NKD2: variants seen among roughly 807,000 people sequenced by gnomAD.
The protein encoded by NKD2 is protein naked cuticle homolog 2.
In NKD2, 43 loss-of-function variants were observed where a neutral mutation model predicts 34.8. The ratio of observed to expected loss-of-function variants is 1.24; its 90% CI spans 0.97 to 1.60. NKD2 has a LOEUF of 1.60. Ranked by LOEUF, NKD2 falls within the 40% of genes most tolerant of loss-of-function variation. The pLI, the probability that NKD2 is intolerant of heterozygous loss-of-function variation, is 0.00. For missense variants in NKD2, 675 were observed against 627.1 expected, an observed-to-expected ratio of 1.08 and a Z score of -0.82; for synonymous variants, 278 against 265.1, an observed-to-expected ratio of 1.05 and a Z score of -0.47.
intron 8 of NKD2, 143 bp downstream of exon 8, chr5:1,035,616 G>A: frequency 1.5e-6 from 1 of 656,996 alleles, no homozygotes; most frequent in Non-Finnish European, 2.7e-6. Context: ...CAGCAGCTCT[G>A]TGGGGCATGG....
chr5:1,028,159 A>T (rs1756499955), intron 3 of NKD2, among the ~76,000 whole-genome samples: 1 of 151,902 alleles, frequency 6.6e-6, no homozygotes, highest in Admixed American at 6.6e-5. Flanking sequence ...TGCTGGGAGG[A>T]CGAAGCGCTC....
In NKD2 at chr5:1,036,280, C is replaced by T. The variant is rs370711889; in HGVS notation, c.683C>T (p.Pro228Leu). The T allele has an allele frequency of 4.6e-5, 74 of 1,610,854 alleles. No homozygotes were observed. Among genetic ancestry groups the T allele is most frequent in the Non-Finnish European group, 5.9e-5 (69 of 1,178,846 alleles). Reference protein sequence around the residue: ...HVRRPSTDPQPCSERGPYCVD... With the variant: ...HVRRPSTDPQLCSERGPYCVD... ...AGGAGGCCCAGTACTGACCCCCAGC[C>T]CTGCTCGGAGCGGGGGCCCTACTGC... Residue 228 changes from proline (P) to leucine (L), a missense_variant, in exon 9 of 10, where the codon CCC becomes CTC. Coordinates refer to ENST00000296849, the MANE Select transcript of NKD2 (RefSeq NM_033120.4).
chr5:1,030,972 G>T (rs1756622863), intron 3 of NKD2, among the ~76,000 whole-genome samples: 1 of 152,136 alleles, frequency 6.6e-6, no homozygotes, highest in Non-Finnish European at 1.5e-5. Flanking sequence ...CCATGTGTGG[G>T]TGGGGGTCTG....
In NKD2 at chr5:1,038,472, G is replaced by GCCCCCCCC. The variant is rs1734137659; in HGVS notation, c.*104_*105insCCCCCCCC. The GCCCCCCCC allele has an allele frequency of 6.5e-7, 1 of 1,531,500 alleles. No individual in the cohort carries two copies. The highest frequency in any genetic ancestry group is 1.4e-5 in the African/African-American group (1 of 71,658). The allele number at this position is 1,531,500 out of a possible 1,614,324, so 94.9% of individuals were successfully genotyped here. On this transcript the variant is annotated 3_prime_UTR_variant, in exon 10 of 10. Coordinates refer to ENST00000296849, the MANE Select transcript of NKD2 (RefSeq NM_033120.4). The surrounding 1 kb of genome is among the most constrained non-coding windows in gnomAD (Gnocchi z 4.5). ...CGGCTGTGTGCCCATGGGGAGCCCA[G>GCCCCCCCC]CCCCCACCCCCCACCTCCGACAGCA...
In NKD2 at chr5:1,038,537, T is replaced by A; in HGVS notation, c.*164T>A. 1 of 1,432,354 alleles carries A rather than the reference T, an allele frequency of 7.0e-7. No homozygotes were observed. The highest frequency in any genetic ancestry group is 9.5e-7 in the Non-Finnish European group (1 of 1,055,306). The allele number at this position is 1,432,354 out of a possible 1,614,324, so 88.7% of individuals were successfully genotyped here. A position where few individuals can be genotyped will look rare whatever the true frequency, so the allele number is the denominator to read the frequency against. On this transcript the variant is annotated 3_prime_UTR_variant, in exon 10 of 10. Coordinates refer to ENST00000296849, the MANE Select transcript of NKD2 (RefSeq NM_033120.4). This position sits in a 1 kb window ranked among gnomAD's most constrained non-coding sequence, Gnocchi z 4.5. ...GCAGGTGCTGGCATGATGGAGGTGGTGCACCTTGGACACGTGGACAAGGCC... is the reference window on the plus strand; with the variant it reads ...GCAGGTGCTGGCATGATGGAGGTGGAGCACCTTGGACACGTGGACAAGGCC...
In NKD2 at chr5:1,038,480, C is replaced by A; in HGVS notation, c.*107C>A. 1 of 1,530,680 alleles carries A rather than the reference C, an allele frequency of 6.5e-7. No individual in the cohort carries two copies. Among genetic ancestry groups the A allele is most frequent in the South Asian group, 1.2e-5 (1 of 83,898 alleles). 94.8% of individuals were successfully genotyped at this position (1,530,680 alleles called of 1,614,324 possible). On this transcript the variant is annotated 3_prime_UTR_variant, in exon 10 of 10. Coordinates refer to ENST00000296849, the MANE Select transcript of NKD2 (RefSeq NM_033120.4). This position sits in a 1 kb window ranked among gnomAD's most constrained non-coding sequence, Gnocchi z 4.5. ...TGCCCATGGGGAGCCCAGCCCCCACCCCCCACCTCCGACAGCAAACAGCAA... is the reference window on the plus strand; with the variant it reads ...TGCCCATGGGGAGCCCAGCCCCCACACCCCACCTCCGACAGCAAACAGCAA...
rs139374291 is a variant in NKD2 at position 1,032,203 on chromosome 5, C to T, written c.193C>T (p.Pro65Ser). Residue 65 changes from proline (P) to serine (S), a missense_variant, in exon 4 of 10, where the codon CCC (proline) becomes TCC (serine). Pro to Ser is a moderately conservative substitution (Grantham distance 74). Transcript: ENST00000296849. ...KEGPFREDQC[P>S]LQVALPAEKA... ...GGGGCCTTTCCGGGAGGACCAGTGT[C>T]CCCTACAGGGTGAGTGCAGCTCCCG... 4.8e-4 allele frequency: 771 copies of T among 1,609,610 alleles called. 1 individual carries two copies. The highest frequency in any genetic ancestry group is 5.9e-4 in the Non-Finnish European group (691 of 1,178,222).
Position 1,009,182 on chromosome 5 carries a change from C to T in NKD2, c.29C>T (p.Ala10Val). The change falls in exon 2 of 10, where the codon GCC (alanine) becomes GTC (valine). Residue 10 changes from alanine (A) to valine (V), a missense_variant. Physicochemically the swap from Ala to Val is moderately conservative, Grantham distance 64. Coordinates refer to ENST00000296849, the MANE Select transcript of NKD2 (RefSeq NM_033120.4). This position sits in a 1 kb window ranked among gnomAD's most constrained non-coding sequence, Gnocchi z 6.9. Reference sequence around the variant, plus strand: ...CCCGCGTCCCGCCGTGCCGCAGCCGCCGCCGCCCGCAAGCGGAGAGAGAGC... The same window carrying T: ...CCCGCGTCCCGCCGTGCCGCAGCCGTCGCCGCCCGCAAGCGGAGAGAGAGC... MGKLQSKHA[A>V]AARKRRESPE... is the part of the protein sequence containing the mutation. The T allele has an allele frequency of 1.8e-6, 1 of 564,950 alleles. No individual in the cohort carries two copies. The highest frequency in any genetic ancestry group is 3.5e-5 in the East Asian group (1 of 28,562). 35.0% of individuals were successfully genotyped at this position (564,950 alleles called of 1,614,324 possible).
In NKD2 at chr5:1,026,563, CTCT is replaced by C. The variant is rs1756415942; in HGVS notation, c.142-5588_142-5586del. Among the ~76,000 whole-genome samples the C allele has an allele frequency of 4.0e-4, 26 of 64,746 alleles. 1 individual carries two copies. Among genetic ancestry groups the C allele is most frequent in the East Asian group, 1.1e-3 (2 of 1,830 alleles). 42.5% of individuals were successfully genotyped at this position (64,746 alleles called of 152,430 possible). A position where few individuals can be genotyped will look rare whatever the true frequency, so the allele number is the denominator to read the frequency against. On this transcript the variant is annotated intron_variant, in intron 3 of 9. Transcript: ENST00000296849. ...GCCCATTGTCCCTGCTCTTCCCACC[CTCT>C]GTGGGTGTCCCAGCCCATTGTCCCT...
Position 1,038,451 on chromosome 5 carries a change from T to C in NKD2, c.*78T>C, listed in dbSNP as rs1342223546. The C allele has an allele frequency of 2.0e-6, 3 of 1,535,134 alleles. No homozygotes were observed. Among genetic ancestry groups the C allele is most frequent in the Non-Finnish European group, 2.6e-6 (3 of 1,146,670 alleles). On this transcript the variant is annotated 3_prime_UTR_variant, in exon 10 of 10. Coordinates refer to ENST00000296849, the MANE Select transcript of NKD2 (RefSeq NM_033120.4). This position sits in a 1 kb window ranked among gnomAD's most constrained non-coding sequence, Gnocchi z 4.5. ...GGCAGGGAGCAGAGCAGCTGCCGGC[T>C]GTGTGCCCATGGGGAGCCCAGCCCC...
intron 7 of NKD2, 77 bp from the exon 8 acceptor site, chr5:1,035,308 GAGTT>G (rs1266207753): frequency 9.3e-7 from 1 of 1,078,836 alleles, no homozygotes; most frequent in African/African-American, 1.6e-5. Flanking sequence ...ATGAGTGAGT[GAGTT>G]AATGAATGAG....
In NKD2 at chr5:1,038,375, G is replaced by A. The variant is rs143147967; in HGVS notation, c.*2G>A. The A allele has an allele frequency of 5.1e-3, 7,906 of 1,535,600 alleles. 36 individuals carry two copies. Among genetic ancestry groups the A allele is most frequent in the Middle Eastern group, 0.012 (71 of 5,708 alleles). ...CACCACCACTTCCACCCGTCCTAGC[G>A]CCACTGCCAAGCACACCTCGCTCCC... On this transcript the variant is annotated 3_prime_UTR_variant, in exon 10 of 10. Coordinates refer to ENST00000296849, the MANE Select transcript of NKD2 (RefSeq NM_033120.4). The surrounding 1 kb of genome is among the most constrained non-coding windows in gnomAD (Gnocchi z 4.5).
intron 4 of NKD2, among the ~76,000 whole-genome samples, 156 bp downstream of exon 4, chr5:1,032,368 C>T (rs918680717): frequency 2.6e-5 from 4 of 152,250 alleles, no homozygotes; most frequent in African/African-American, 9.6e-5. Flanking sequence ...CTTGGCAGCA[C>T]AACTCACAGG....
At chr5:1,010,640 A>AT (rs1755717178) in intron 3 of NKD2, among the ~76,000 whole-genome samples, 1 of 152,176 alleles carries the variant, frequency 6.6e-6, no homozygotes, top group Admixed American at 6.5e-5. Context: ...GTGAGCCTCT[A>AT]TCCGGGACAG....
intron 3 of NKD2, among the ~76,000 whole-genome samples, chr5:1,028,221 G>A (rs552769420): frequency 2.0e-5 from 3 of 152,264 alleles, no homozygotes; most frequent in African/African-American, 4.8e-5. Flanking sequence ...TGGCGGGGAC[G>A]TGGACGGTGG....
At position 1,033,417 on chromosome 5, in the gene NKD2, A is replaced by G; in HGVS notation, c.248A>G (p.Gln83Arg). Residue 83 changes from glutamine (Q) to arginine (R), a missense_variant, in exon 5 of 10, where the codon CAA becomes CGA. Physicochemically the swap from Gln to Arg is conservative, Grantham distance 43. Transcript: ENST00000296849. Reference sequence around the variant, plus strand: ...GCTGAGGGCCGCGAGCACCCGGGACAACTCCTCAGCGCAGATGACGGAGAG... The same window carrying G: ...GCTGAGGGCCGCGAGCACCCGGGACGACTCCTCAGCGCAGATGACGGAGAG... ...EKAEGREHPGQLLSADDGERA... is the reference protein window; with the variant it reads ...EKAEGREHPGRLLSADDGERA... The G allele has an allele frequency of 1.3e-6, 2 of 1,595,014 alleles. No individual in the cohort carries two copies. Among genetic ancestry groups the G allele is most frequent in the South Asian group, 1.1e-5 (1 of 87,916 alleles).
intron 9 of NKD2, chr5:1,036,869 C>T (rs116564248): frequency 0.017 from 7,502 of 449,964 alleles, 124 homozygotes; most frequent in Non-Finnish European, 0.023. Context: ...GTGTGGATGG[C>T]AGGCAGGCAG....
intron 7 of NKD2, among the ~76,000 whole-genome samples, chr5:1,035,114 T>A (rs554059533): frequency 6.6e-6 from 1 of 152,154 alleles, no homozygotes; most frequent in Admixed American, 6.5e-5. Flanking sequence ...GTGAGTGAGT[T>A]AATGAATGAG....
intron 3 of NKD2, among the ~76,000 whole-genome samples, chr5:1,012,790 G>C (rs1755804678): frequency 6.6e-6 from 1 of 152,112 alleles, no homozygotes; most frequent in South Asian, 2.1e-4. Context: ...CCCCTTCCCT[G>C]CCCCTCCTGG....
Sources: gnomAD v4.1 joint callset for allele counts (sites outside exome capture counted in the v4.1 genomes callset) on GRCh38, gnomAD v4.1.1 for gene constraint, Gnocchi (gnomAD v3.1) non-coding constraint, MANE v1.5 for transcripts, NCBI Gene and HGNC (gene_info 2026-07-23, HGNC 2026-07-21) for gene names.